NT5DC1: variants seen among roughly 807,000 people sequenced by gnomAD.
NT5DC1 encodes 5'-nucleotidase domain containing 1.
NT5DC1 carries 42 observed loss-of-function variants against 59.4 expected under a neutral mutation model. The observed-to-expected ratio is 0.71, with a 90% CI of 0.55 to 0.92. The LOEUF is 0.92. Ranked by LOEUF, NT5DC1 falls within the 40% of genes least tolerant of loss-of-function variation. The pLI, the probability that NT5DC1 is intolerant of heterozygous loss-of-function variation, is 0.00. For missense variants in NT5DC1, 501 were observed against 537.1 expected, an observed-to-expected ratio of 0.93 and a Z score of 0.66; for synonymous variants, 172 against 188.1, an observed-to-expected ratio of 0.91 and a Z score of 0.70.
At chr6:116,219,737 T>A (rs1781756233) in intron 6 of NT5DC1, among the ~76,000 whole-genome samples, 1 of 151,986 alleles carries the variant, frequency 6.6e-6, no homozygotes, top group African/African-American at 2.4e-5. Context: ...GGGCGGATTG[T>A]GAGGTCAAGA....
intron 6 of NT5DC1, among the ~76,000 whole-genome samples, chr6:116,164,801 T>C (rs1256640326): frequency 6.6e-6 from 1 of 152,222 alleles, no homozygotes; most frequent in East Asian, 1.9e-4. Flanking sequence ...ACTTTATTTC[T>C]GCTTCATTTA....
intron 6 of NT5DC1, among the ~76,000 whole-genome samples, chr6:116,204,915 G>T (rs1398814473): frequency 6.6e-6 from 1 of 151,880 alleles, no homozygotes; most frequent in African/African-American, 2.4e-5. Context: ...TTTTTTGGGT[G>T]AGGAAAGCAA....
intron 6 of NT5DC1, among the ~76,000 whole-genome samples, chr6:116,198,620 G>A (rs560380285): frequency 2.2e-4 from 33 of 151,994 alleles, no homozygotes; most frequent in Non-Finnish European, 3.7e-4. Flanking sequence ...AGTCCTACCT[G>A]CTTGGGAGGC....
intron 6 of NT5DC1, among the ~76,000 whole-genome samples, chr6:116,149,864 T>A (rs1779993183): frequency 6.6e-6 from 1 of 152,220 alleles, no homozygotes; most frequent in Non-Finnish European, 1.5e-5. Context: ...GGAATTTGAT[T>A]TGCACAACAA....
intron 6 of NT5DC1, among the ~76,000 whole-genome samples, chr6:116,180,610 C>T (rs574642913): frequency 6.6e-6 from 1 of 152,136 alleles, no homozygotes; most frequent in Admixed American, 6.5e-5. Context: ...GAAATACATT[C>T]TCTATAAAAC....
intron 6 of NT5DC1, among the ~76,000 whole-genome samples, chr6:116,181,168 C>G (rs571282955): frequency 1.4e-4 from 22 of 151,922 alleles, no homozygotes; most frequent in Non-Finnish European, 2.7e-4. Context: ...GTTATACTCA[C>G]CTCTCTACTG....
intron 6 of NT5DC1, among the ~76,000 whole-genome samples, chr6:116,149,378 TAGAC>T (rs1779977311): frequency 6.6e-6 from 1 of 152,206 alleles, no homozygotes; most frequent in Non-Finnish European, 1.5e-5. Context: ...GGAAATCAAA[TAGAC>T]AGTGTGTCTT....
intron 6 of NT5DC1, among the ~76,000 whole-genome samples, chr6:116,134,790 G>A (rs1293010240): frequency 1.3e-5 from 2 of 152,152 alleles, no homozygotes; most frequent in Non-Finnish European, 2.9e-5. Context: ...CTACTGGCTG[G>A]CTAATAAGTT....
rs748429641 is a variant in NT5DC1, at chr6:116,239,093, A to G, written c.1222A>G (p.Ile408Val). 4 of 1,612,388 alleles carry G rather than the reference A, an allele frequency of 2.5e-6. No individual in the cohort carries two copies. Among genetic ancestry groups the G allele is most frequent in the Non-Finnish European group, 3.4e-6 (4 of 1,179,178 alleles). Residue 408 changes from isoleucine (I) to valine (V), a missense_variant, in exon 11 of 12, where the codon ATT (isoleucine) becomes GTT (valine). Ile to Val is a conservative substitution (Grantham distance 29). Transcript: ENST00000319550. ...TAAGAGAATCAGTACTTACAGCACT[A>G]TTGCAATTCCAAGTATTGAAGCAAT... is the stretch of plus-strand genomic sequence containing the variant. The part of the protein sequence containing the change: ...SCKRISTYST[I>V]AIPSIEAIAE...
chr6:116,243,904 C>T lies in NT5DC1; in HGVS notation c.1253-5C>T. On this transcript the variant is annotated splice_region_variant and splice_polypyrimidine_tract_variant and intron_variant, in intron 11 of 11. Transcript: ENST00000319550. Reference sequence around the variant, plus strand: ...GCAATAATTAAATTTTTTTTTCCTCCCCAGAATTACCTCTGGACTACAAAT... The same window carrying T: ...GCAATAATTAAATTTTTTTTTCCTCTCCAGAATTACCTCTGGACTACAAAT... The T allele has an allele frequency of 1.6e-6, 2 of 1,256,086 alleles. No individual in the cohort carries two copies. The highest frequency in any genetic ancestry group is 2.4e-5 in the East Asian group (1 of 42,190). 77.8% of individuals were successfully genotyped at this position (1,256,086 alleles called of 1,614,324 possible).
intron 6 of NT5DC1, among the ~76,000 whole-genome samples, chr6:116,160,215 A>G (rs1780296035): frequency 6.6e-6 from 1 of 152,180 alleles, no homozygotes; most frequent in African/African-American, 2.4e-5. Flanking sequence ...GTGTTTAACT[A>G]ATTTACATTT....
At chr6:116,237,423 T>G in intron 9 of NT5DC1, 1 of 476,456 alleles carries the variant, frequency 2.1e-6, no homozygotes. Context: ...TGTTGGACAT[T>G]GGTGCATTTC....
chr6:116,211,029 A>G (rs1781567214), intron 6 of NT5DC1, among the ~76,000 whole-genome samples: 1 of 152,044 alleles, frequency 6.6e-6, no homozygotes, highest in Non-Finnish European at 1.5e-5. Context: ...GTGCTACTGT[A>G]AAATTCCTAA....
intron 8 of NT5DC1, among the ~76,000 whole-genome samples, chr6:116,236,270 A>G (rs1455990057): frequency 6.6e-6 from 1 of 152,214 alleles, no homozygotes; most frequent in Non-Finnish European, 1.5e-5. Flanking sequence ...AATCTTCCTT[A>G]ATCATCATGC....
intron 6 of NT5DC1, among the ~76,000 whole-genome samples, chr6:116,157,080 C>G (rs567024489): frequency 2.6e-4 from 39 of 152,218 alleles, no homozygotes; most frequent in African/African-American, 8.7e-4. Flanking sequence ...GGGAGGAGAC[C>G]AGGTCTTGGG....
chr6:116,199,729 C>G (rs186693751), intron 6 of NT5DC1, among the ~76,000 whole-genome samples: 201 of 151,938 alleles, frequency 1.3e-3, no homozygotes, highest in African/African-American at 4.5e-3. Context: ...GGATAGAGCT[C>G]CCAATGGCTA....
intron 6 of NT5DC1, among the ~76,000 whole-genome samples, chr6:116,204,077 A>T (rs1223316421): frequency 1.3e-5 from 2 of 151,870 alleles, no homozygotes; most frequent in Admixed American, 1.3e-4. Context: ...GGGCAGTATA[A>T]TTTGGAATTT....
intron 6 of NT5DC1, among the ~76,000 whole-genome samples, chr6:116,177,705 A>G (rs907489877): frequency 6.6e-6 from 1 of 152,196 alleles, no homozygotes; most frequent in Non-Finnish European, 1.5e-5. Context: ...CAGCTCTCTT[A>G]AAGTTTATTA....
At chr6:116,173,360 T>A (rs1002481650) in intron 6 of NT5DC1, among the ~76,000 whole-genome samples, 1 of 152,184 alleles carries the variant, frequency 6.6e-6, no homozygotes, top group South Asian at 2.1e-4. Flanking sequence ...CAATCTGAAG[T>A]TGAAATACCT....
Sources: gnomAD v4.1 joint callset for allele counts (sites outside exome capture counted in the v4.1 genomes callset) on GRCh38, gnomAD v4.1.1 for gene constraint, MANE v1.5 for transcripts, NCBI Gene and HGNC (gene_info 2026-07-23, HGNC 2026-07-21) for gene names.